EMC3: variants seen among roughly 807,000 people sequenced by gnomAD.
EMC3 encodes 30 kDa protein.
A neutral mutation model predicts 36.6 loss-of-function variants in EMC3; 13 were observed. The observed-to-expected ratio is 0.35, with a 90% confidence interval of 0.23 to 0.56. EMC3 has a LOEUF of 0.56. Ranked by LOEUF, EMC3 falls within the 20% of genes least tolerant of loss-of-function variation. The pLI is 0.84. For synonymous variants in EMC3, 120 were observed against 111.9 expected (o/e 1.07, Z -0.46); for missense variants, 220 against 324.5 (o/e 0.68, Z 2.47).
At position 9,974,505 on chromosome 3, in the gene EMC3, A is replaced by G; in HGVS notation, c.308-17T>C. 6.5e-7 allele frequency: 1 copy of G among 1,534,832 alleles called. No individual in the cohort carries two copies. The highest frequency in any genetic ancestry group is 9.0e-7 in the Non-Finnish European group (1 of 1,108,726). On this transcript the variant is annotated splice_polypyrimidine_tract_variant and intron_variant, in intron 3 of 7. Transcript: ENST00000245046. ...TAGTAGGATCTAAGACAAAAGCACA[A>G]ACAAGAAACCACTAAGTTTTACCTC...
At position 9,972,228 on chromosome 3, in the gene EMC3, TG is replaced by T. The variant is rs2085792773; in HGVS notation, c.494+1399del. The stretch of plus-strand genomic sequence containing the variant: ...TATTATCATTAGTAGTAATGTACTT[TG>T]GAAAAAAAAAAATACAAACTTCCAC... On this transcript the variant is annotated intron_variant, in intron 5 of 7. Transcript: ENST00000245046. Among the ~76,000 whole-genome samples the T allele has an allele frequency of 2.1e-5, 3 of 139,900 alleles. No homozygotes were observed. In the South Asian group the frequency reaches 6.9e-4, roughly 32 times the overall value. 91.8% of individuals were successfully genotyped at this position (139,900 alleles called of 152,430 possible).
intron 7 of EMC3, among the ~76,000 whole-genome samples, chr3:9,966,763 T>C (rs903157129): frequency 6.6e-6 from 1 of 151,944 alleles, no homozygotes; most frequent in Admixed American, 6.6e-5. Flanking sequence ...TTAGTGGAGA[T>C]GGCATTTCAC....
In EMC3 at chr3:9,973,611, C is replaced by T. The variant is rs1559350688; in HGVS notation, c.494+17G>A. The T allele has an allele frequency of 2.5e-6, 4 of 1,611,838 alleles. No homozygotes were observed. Among genetic ancestry groups the T allele is most frequent in the Non-Finnish European group, 3.4e-6 (4 of 1,177,974 alleles). On this transcript the variant is annotated intron_variant, in intron 5 of 7. Transcript: ENST00000245046. ...AAGTGTGGTTTGTGTTTTTATTAAA[C>T]AAAAGAAAGTTCTTACCAGGATGCA...
chr3:10,007,270 C>A, intron 1 of EMC3: 1 of 1,233,812 alleles, frequency 8.1e-7, no homozygotes, highest in Admixed American at 3.2e-5. Context: ...TCATGGCTTC[C>A]CCACACTCAC....
intron 1 of EMC3, chr3:10,001,081 G>A (rs890772971): frequency 1.4e-4 from 27 of 198,990 alleles, no homozygotes; most frequent in African/African-American, 5.8e-4. Flanking sequence ...CCGAATCCAA[G>A]GTCATGAAGG....
chr3:10,010,436 T>G (rs2086311791), intron 1 of EMC3: 1 of 151,364 alleles, frequency 6.6e-6, no homozygotes, highest in Non-Finnish European at 1.5e-5. Context: ...CAGGCCTTGA[T>G]CATCCCTTTT....
At chr3:9,972,792 A>C (rs2085800788) in intron 5 of EMC3, among the ~76,000 whole-genome samples, 1 of 151,688 alleles carries the variant, frequency 6.6e-6, no homozygotes, top group African/African-American at 2.4e-5. Context: ...AAACTTTAAA[A>C]ACTGATTCCA....
intron 1 of EMC3, chr3:10,008,885 T>G (rs1316190167): frequency 5.7e-6 from 1 of 175,792 alleles, no homozygotes; most frequent in Non-Finnish European, 1.2e-5. Context: ...GACCCTGGGA[T>G]TCAAGCCCGA....
chr3:9,982,893 A>G (rs1273337055), intron 1 of EMC3, among the ~76,000 whole-genome samples: 1 of 151,968 alleles, frequency 6.6e-6, no homozygotes, highest in Non-Finnish European at 1.5e-5. Context: ...ACTTAAAAAA[A>G]AAAAAAGAAA....
chr3:9,969,450 AC>A (rs1345507092), intron 7 of EMC3: 1 of 1,340,854 alleles, frequency 7.5e-7, no homozygotes, highest in Non-Finnish European at 9.6e-7. Flanking sequence ...TTTACCTGGC[AC>A]CTCCGATTGG....
rs900201933 is a variant in EMC3 at position 10,000,034 on chromosome 3, T to G, written c.-242+10989A>C. ...TTAAGTTTTTGTTGTTGTTGTTGTT[T>G]TTATTTTTTGGGGTTTTTTTTGAGA... On this transcript the variant is annotated intron_variant, in intron 1 of 8. Transcript: ENST00000470827. 7.9e-5 allele frequency among the ~76,000 whole-genome samples: 12 copies of G among 152,058 alleles called. 1 individual carries two copies. Among genetic ancestry groups the G allele is most frequent in the Admixed American group, 6.6e-4 (10 of 15,244 alleles).
intron 1 of EMC3, among the ~76,000 whole-genome samples, chr3:9,979,954 A>G (rs2085891555): frequency 6.6e-6 from 1 of 152,178 alleles, no homozygotes; most frequent in South Asian, 2.1e-4. Flanking sequence ...AAATGTGATG[A>G]AAACAAGACT....
At chr3:9,972,070 T>C (rs910110494) in intron 5 of EMC3, among the ~76,000 whole-genome samples, 33 of 151,734 alleles carry the variant, frequency 2.2e-4, no homozygotes, top group African/African-American at 7.3e-4. Context: ...TTATAAAGAG[T>C]GGTAAGTAAC....
chr3:10,003,620 C>G (rs1428852804), intron 1 of EMC3: 1 of 209,704 alleles, frequency 4.8e-6, no homozygotes, highest in Non-Finnish European at 9.8e-6. Flanking sequence ...AAATGGCCAT[C>G]AAAATCATCC....
At chr3:9,973,828 C>G (rs2085815788) in intron 4 of EMC3, 119 bp from the exon 5 acceptor site, 1 of 888,822 alleles carries the variant, frequency 1.1e-6, no homozygotes, top group African/African-American at 1.7e-5. Context: ...ACGACTTCCA[C>G]AAGGAAATCT....
chr3:10,007,504 TTC>T lies in EMC3; in HGVS notation c.-242+3517_-242+3518del, dbSNP rs2086277109. The T allele has an allele frequency of 2.2e-6, 3 of 1,367,682 alleles. No individual in the cohort carries two copies. In the South Asian group the frequency reaches 3.4e-5, roughly 16 times the overall value. The allele number at this position is 1,367,682 out of a possible 1,614,324, so 84.7% of individuals were successfully genotyped here. On this transcript the variant is annotated intron_variant, in intron 1 of 8. Coordinates refer to the EMC3 transcript ENST00000470827. ...TTGGCCTTTCTGCTTCGATGGTTTC[TTC>T]TTTTGATAACAGTGGCATGAAGCGC...
chr3:9,970,434 C>T, intron 6 of EMC3, 148 bp downstream of exon 6: 1 of 893,266 alleles, frequency 1.1e-6, no homozygotes, highest in South Asian at 1.4e-5. Flanking sequence ...ATTTTTAAGA[C>T]TCTTTCAGAA....
chr3:9,963,820 T>C lies in EMC3; in HGVS notation c.*249A>G, dbSNP rs140103310. 4,917 of 415,198 alleles carry C rather than the reference T, an allele frequency of 0.012. 46 individuals carry two copies. Among genetic ancestry groups the C allele is most frequent in the Middle Eastern group, 0.019 (25 of 1,302 alleles). The allele number at this position is 415,198 out of a possible 1,614,324, so 25.7% of individuals were successfully genotyped here. Reference sequence around the variant, plus strand: ...GTAGCCTGAGGTTTCCCCCTTTCTCTGACTTTCATTACTAGAGTCACCAGA... The same window carrying C: ...GTAGCCTGAGGTTTCCCCCTTTCTCCGACTTTCATTACTAGAGTCACCAGA... On this transcript the variant is annotated 3_prime_UTR_variant, in exon 8 of 8. Transcript: ENST00000245046.
chr3:9,981,610 T>G (rs1216161493), intron 1 of EMC3: 2 of 239,438 alleles, frequency 8.4e-6, no homozygotes, highest in East Asian at 3.1e-4. Context: ...TATTTATTTA[T>G]TTTTTGCAGA....
Sources: allele counts gnomAD v4.1 joint callset (sites outside exome capture counted in the v4.1 genomes callset), GRCh38; gene constraint gnomAD v4.1.1; transcripts MANE v1.5; gene names NCBI Gene and HGNC (gene_info 2026-07-23, HGNC 2026-07-21).